The following MMP16 variants were observed in gnomAD, a reference collection of about 807,000 sequenced individuals.
MMP16 encodes the protein matrix metallopeptidase 16, also known as matrix metalloproteinase-16.
MMP16 carries 12 observed loss-of-function variants against 67.8 expected under a neutral mutation model. The ratio of observed to expected loss-of-function variants is 0.18; its 90% confidence interval spans 0.11 to 0.29. MMP16 has a LOEUF of 0.29. Among genes scored for constraint, MMP16 ranks in the 10% least tolerant of loss-of-function variants. The probability of loss-of-function intolerance (pLI) is 1.00; values close to 1 mark genes in which losing one functional copy is unlikely to be tolerated. For synonymous variants in MMP16, 249 were observed against 255.9 expected (o/e 0.97, Z 0.26); for missense variants, 475 against 765.7 (o/e 0.62, Z 4.48).
intron 1 of MMP16, among the ~76,000 whole-genome samples, chr8:88,261,268 A>G (rs553276566): frequency 6.6e-6 from 1 of 152,200 alleles, no homozygotes; most frequent in East Asian, 1.9e-4. Context: ...GATTCTGGTT[A>G]TTTCATTTAT....
chr8:88,277,795 T>A (rs1257803352), intron 1 of MMP16, among the ~76,000 whole-genome samples: 2 of 152,036 alleles, frequency 1.3e-5, no homozygotes, highest in Non-Finnish European at 1.5e-5. Flanking sequence ...TTTTCATCTA[T>A]AAGATTAGCT....
At chr8:88,239,525 TA>T (rs202000351) in intron 1 of MMP16, among the ~76,000 whole-genome samples, 253 of 21,266 alleles carry the variant, frequency 0.012, 2 homozygotes, top group African/African-American at 0.039. Context: ...CTGAGTGTTA[TA>T]AAATTTTTTT....
chr8:88,178,290 G>A (rs1022631697), intron 3 of MMP16, among the ~76,000 whole-genome samples: 1 of 152,066 alleles, frequency 6.6e-6, no homozygotes, highest in Non-Finnish European at 1.5e-5. Flanking sequence ...CATAATAACT[G>A]ATCAATAGGC....
intron 1 of MMP16, among the ~76,000 whole-genome samples, chr8:88,207,051 C>T (rs544733383): frequency 1.4e-4 from 21 of 152,112 alleles, no homozygotes; most frequent in Middle Eastern, 3.4e-3. Flanking sequence ...ACCATATATC[C>T]TGGAAATATC....
At chr8:88,118,213 T>C (rs1423964971) in intron 5 of MMP16, among the ~76,000 whole-genome samples, 1 of 152,088 alleles carries the variant, frequency 6.6e-6, no homozygotes, top group African/African-American at 2.4e-5. Context: ...GTCAATTTCT[T>C]GCATCTATCA....
intron 1 of MMP16, among the ~76,000 whole-genome samples, chr8:88,200,281 C>A (rs1253053480): frequency 6.6e-6 from 1 of 151,882 alleles, no homozygotes; most frequent in Non-Finnish European, 1.5e-5. Flanking sequence ...GTTATGTTTT[C>A]TTCATTTTGT....
intron 4 of MMP16, among the ~76,000 whole-genome samples, chr8:88,130,685 A>G (rs1808013124): frequency 6.6e-6 from 1 of 151,580 alleles, no homozygotes; most frequent in South Asian, 2.1e-4. Flanking sequence ...AGAATTTCAA[A>G]TGTTCTGAGG....
chr8:88,049,236 G>C (rs1325316983), intron 8 of MMP16, among the ~76,000 whole-genome samples: 1 of 152,162 alleles, frequency 6.6e-6, no homozygotes, highest in African/African-American at 2.4e-5. Flanking sequence ...CAATGAAGTG[G>C]AATCATTAGT....
chr8:88,279,367 A>C (rs1041783964), intron 1 of MMP16, among the ~76,000 whole-genome samples: 2 of 152,170 alleles, frequency 1.3e-5, no homozygotes, highest in Non-Finnish European at 2.9e-5. Flanking sequence ...TTCCTTTCTT[A>C]ACATGGTTAA....
intron 1 of MMP16, among the ~76,000 whole-genome samples, chr8:88,206,922 T>A (rs1563562179): frequency 6.6e-6 from 1 of 152,194 alleles, no homozygotes; most frequent in East Asian, 1.9e-4. Context: ...CAGCCTCTGG[T>A]AACTACAGTT....
intron 1 of MMP16, among the ~76,000 whole-genome samples, chr8:88,229,599 A>T (rs1325096331): frequency 1.3e-5 from 2 of 152,084 alleles, no homozygotes; most frequent in Non-Finnish European, 2.9e-5. Context: ...GCAATATTTT[A>T]GTGGCATTTA....
chr8:88,172,828 T>G lies in MMP16; in HGVS notation c.405-4855A>C, dbSNP rs375877685. Among the ~76,000 whole-genome samples the G allele has an allele frequency of 9.2e-5, 14 of 152,278 alleles. No individual in the cohort carries two copies. The East Asian group carries it at 2.5e-3, about 27-fold the overall frequency. Reference sequence around the variant, plus strand: ...GAATTTTAATCTAAAAATTGTTAAATTTTATCTTTAATGACCATGCCTTAC... The same window carrying G: ...GAATTTTAATCTAAAAATTGTTAAAGTTTATCTTTAATGACCATGCCTTAC... On this transcript the variant is annotated intron_variant, in intron 3 of 9. Transcript: ENST00000286614.
At chr8:88,143,629 T>A (rs1156552234) in intron 4 of MMP16, among the ~76,000 whole-genome samples, 1 of 152,006 alleles carries the variant, frequency 6.6e-6, no homozygotes, top group Non-Finnish European at 1.5e-5. Flanking sequence ...TGTAAAGTTA[T>A]AAGGAGAAAG....
At chr8:88,106,416 TG>T (rs1051497531) in intron 6 of MMP16, among the ~76,000 whole-genome samples, 2 of 151,312 alleles carry the variant, frequency 1.3e-5, no homozygotes, top group Admixed American at 6.6e-5. Flanking sequence ...TTCCTCTTGC[TG>T]GACATTTACA....
chr8:88,290,636 G>A (rs1014704252), intron 1 of MMP16, among the ~76,000 whole-genome samples: 1 of 152,152 alleles, frequency 6.6e-6, no homozygotes, highest in African/African-American at 2.4e-5. Context: ...GGAGTGCAGT[G>A]ATGCGATCAT....
chr8:88,080,754 G>T (rs1199620960), intron 6 of MMP16, among the ~76,000 whole-genome samples: 1 of 152,096 alleles, frequency 6.6e-6, no homozygotes, highest in Admixed American at 6.6e-5. Context: ...TGTTTTGAAG[G>T]CTTCTGATGT....
chr8:88,060,815 T>G (rs1477909), intron 7 of MMP16, among the ~76,000 whole-genome samples: 39,117 of 151,886 alleles, frequency 0.26, 6,203 homozygotes, highest in East Asian at 0.42. Context: ...AGTAGGTGCT[T>G]AATAAATAAA....
At chr8:88,214,849 T>C (rs903272756) in intron 1 of MMP16, among the ~76,000 whole-genome samples, 4 of 152,128 alleles carry the variant, frequency 2.6e-5, no homozygotes, top group African/African-American at 9.7e-5. Context: ...CTGATTCAGC[T>C]CCCTGTTTAC....
intron 7 of MMP16, among the ~76,000 whole-genome samples, chr8:88,066,325 T>C (rs1808462488): frequency 6.6e-6 from 1 of 152,058 alleles, no homozygotes; most frequent in Non-Finnish European, 1.5e-5. Flanking sequence ...ACTCTTTATA[T>C]GGGATATACC....
Sources: allele counts gnomAD v4.1 joint callset (sites outside exome capture counted in the v4.1 genomes callset), GRCh38; gene constraint gnomAD v4.1.1; transcripts MANE v1.5; gene names NCBI Gene and HGNC (gene_info 2026-07-23, HGNC 2026-07-21).